Variants in RBM17 observed in about 807,000 individuals in gnomAD.
The protein encoded by RBM17 is splicing factor 45.
RBM17 carries 7 observed loss-of-function variants against 53.2 expected under a neutral mutation model. The ratio of observed to expected loss-of-function variants is 0.13; its 90% confidence interval spans 0.07 to 0.25. RBM17 has a LOEUF of 0.25. Among genes scored for constraint, RBM17 ranks in the 10% least tolerant of loss-of-function variants. The probability of loss-of-function intolerance (pLI) is 1.00; values close to 1 mark genes in which losing one functional copy is unlikely to be tolerated. For missense variants in RBM17, 257 were observed against 496.7 expected (o/e 0.52, Z 4.59); for synonymous variants, 167 against 178.1 (o/e 0.94, Z 0.50).
chr10:6,097,627 C>T (rs545582955), intron 2 of RBM17, among the ~76,000 whole-genome samples: 65 of 152,310 alleles, frequency 4.3e-4, no homozygotes, highest in African/African-American at 1.3e-3. Context: ...GCCGAGATCG[C>T]GCCACTGCGC....
intron 2 of RBM17, among the ~76,000 whole-genome samples, chr10:6,100,542 T>C (rs866439406): frequency 3.9e-5 from 6 of 152,134 alleles, no homozygotes; most frequent in Middle Eastern, 6.8e-3. Context: ...TACAAGATAG[T>C]GTCAGAGGAA....
chr10:6,117,014 A>G lies in RBM17; in HGVS notation c.*1458A>G, dbSNP rs903239841. 2 of 152,394 alleles carry G rather than the reference A, an allele frequency of 1.3e-5. No homozygotes were observed. Among genetic ancestry groups the G allele is most frequent in the Non-Finnish European group, 2.9e-5 (2 of 68,052 alleles). 9.4% of individuals were successfully genotyped at this position (152,394 alleles called of 1,614,324 possible). On this transcript the variant is annotated 3_prime_UTR_variant, in exon 12 of 12. Coordinates refer to ENST00000379888, the MANE Select transcript of RBM17 (RefSeq NM_032905.5). The stretch of plus-strand genomic sequence containing the variant: ...ATGGAATTAGGCATACCATTCCTCA[A>G]GTGGAAACCATGTTTGTGCTTACAA...
chr10:6,092,122 A>G (rs572720086), intron 1 of RBM17, among the ~76,000 whole-genome samples: 10 of 152,386 alleles, frequency 6.6e-5, no homozygotes, highest in African/African-American at 1.9e-4. Context: ...TGCCACAAAA[A>G]GGAAGGAAAT....
rs965941625 is a variant in RBM17, at chr10:6,103,373, A to G, written c.241-1558A>G. 5.9e-5 allele frequency among the ~76,000 whole-genome samples: 9 copies of G among 152,340 alleles called. No individual in the cohort carries two copies. In the East Asian group the frequency reaches 1.7e-3, roughly 29 times the overall value. ...AGGATGATTGATTTCATTGTTAAGC[A>G]TAGCAGGGTTTATATGTAAAAGTTT... is the stretch of plus-strand genomic sequence containing the variant. On this transcript the variant is annotated intron_variant, in intron 3 of 11. Coordinates refer to ENST00000379888, the MANE Select transcript of RBM17 (RefSeq NM_032905.5).
chr10:6,100,638 G>A (rs1360822564), intron 2 of RBM17, among the ~76,000 whole-genome samples: 1 of 148,524 alleles, frequency 6.7e-6, no homozygotes, highest in Non-Finnish European at 1.5e-5. Flanking sequence ...AAAACCAAAA[G>A]CATTTCAGGA....
intron 5 of RBM17, 32 bp from the exon 6 acceptor site, chr10:6,108,654 C>T: frequency 6.3e-7 from 1 of 1,593,782 alleles, no homozygotes; most frequent in Non-Finnish European, 8.6e-7. Flanking sequence ...CATCGGAAAC[C>T]TCCTTTAATG....
intron 1 of RBM17, among the ~76,000 whole-genome samples, chr10:6,091,593 G>C (rs572817348): frequency 1.3e-5 from 2 of 152,300 alleles, no homozygotes; most frequent in East Asian, 1.9e-4. Context: ...CAGATCTGCA[G>C]ATCTCACTGT....
intron 4 of RBM17, 71 bp downstream of exon 4, chr10:6,105,168 C>G (rs762544224): frequency 7.1e-7 from 1 of 1,414,800 alleles, no homozygotes; most frequent in Non-Finnish European, 9.8e-7. Flanking sequence ...GAATGAGCGT[C>G]GCTGCTGTCT....
intron 1 of RBM17, among the ~76,000 whole-genome samples, chr10:6,091,679 GA>G (rs1308753897): frequency 2.0e-5 from 3 of 152,158 alleles, no homozygotes; most frequent in Non-Finnish European, 4.4e-5. Flanking sequence ...AATATTAATA[GA>G]GCCACTTAAC....
chr10:6,095,239 G>A (rs1052815526), intron 1 of RBM17, among the ~76,000 whole-genome samples: 1 of 151,500 alleles, frequency 6.6e-6, no homozygotes, highest in East Asian at 1.9e-4. Flanking sequence ...TTTTGGCGGA[G>A]TCTTTATCTG....
At position 6,112,216 on chromosome 10, in the gene RBM17, G is replaced by A. The variant is rs1221947433; in HGVS notation, c.711G>A (p.Thr237=). ...SNSFLANMGG[T]VAHKIMQKYG... ...TCCCTTCTTCTCCTGCCAGGGGCAC[G>A]GTGGCGCACAAGATCATGCAGAAGT... is the stretch of plus-strand genomic sequence containing the variant. Residue 237 remains threonine, a synonymous_variant, in exon 8 of 12, where the codon ACG becomes ACA. Coordinates refer to ENST00000379888, the MANE Select transcript of RBM17 (RefSeq NM_032905.5). This position sits in a 1 kb window ranked among gnomAD's most constrained non-coding sequence, Gnocchi z 4.4. The A allele has an allele frequency of 8.7e-6, 14 of 1,611,982 alleles. No individual in the cohort carries two copies. The highest frequency in any genetic ancestry group is 1.3e-5 in the African/African-American group (1 of 75,012).
In RBM17 at chr10:6,112,847, G is replaced by A. The variant is rs891019135; in HGVS notation, c.856+486G>A. On this transcript the variant is annotated intron_variant, in intron 8 of 11. Transcript: ENST00000379888. The surrounding 1 kb of genome is among the most constrained non-coding windows in gnomAD (Gnocchi z 4.4). ...TTGCGAGATCTGATGTTATGTTGCA[G>A]TCTCTTGGTAAATGATGCCTAGTTG... The A allele has an allele frequency of 3.2e-5, 6 of 184,704 alleles. No individual in the cohort carries two copies. Among genetic ancestry groups the A allele is most frequent in the Admixed American group, 1.6e-4 (3 of 18,802 alleles). 11.4% of individuals were successfully genotyped at this position (184,704 alleles called of 1,614,324 possible). A position where few individuals can be genotyped will look rare whatever the true frequency, so the allele number is the denominator to read the frequency against.
chr10:6,101,257 T>C lies in RBM17; in HGVS notation c.124-14T>C. 2 of 1,540,494 alleles carry C rather than the reference T, an allele frequency of 1.3e-6. No individual in the cohort carries two copies. Among genetic ancestry groups the C allele is most frequent in the South Asian group, 2.4e-5 (2 of 84,162 alleles). On this transcript the variant is annotated splice_polypyrimidine_tract_variant and intron_variant, in intron 2 of 11. Coordinates refer to ENST00000379888, the MANE Select transcript of RBM17 (RefSeq NM_032905.5). ...GAAACTTCAGTATGTTTTCCTTGTT[T>C]TTGATGATTTTAGAGCCAAAGGACG...
chr10:6,098,054 T>TAACTC (rs56203647), intron 2 of RBM17, among the ~76,000 whole-genome samples: 149,503 of 152,222 alleles, frequency 0.98, 73,471 homozygotes, highest in Middle Eastern at 1. Context: ...GTCCTTGAAA[T>TAACTC]AACATGTAAA....
chr10:6,096,980 C>G lies in RBM17; in HGVS notation c.-18-68C>G, dbSNP rs75850430. ...CTTTTACCTCTAAAATTTCATGATA[C>G]TTATTTTAACATGAAAAGCCTTTAT... On this transcript the variant is annotated intron_variant, in intron 1 of 11. Transcript: ENST00000379888. The G allele has an allele frequency of 1.1e-3, 1,554 of 1,460,918 alleles. 2 individuals carry two copies. Among genetic ancestry groups the G allele is most frequent in the Non-Finnish European group, 1.3e-3 (1,381 of 1,074,244 alleles). The allele number at this position is 1,460,918 out of a possible 1,614,324, so 90.5% of individuals were successfully genotyped here.
intron 1 of RBM17, among the ~76,000 whole-genome samples, chr10:6,095,764 A>C (rs1344382980): frequency 1.3e-5 from 2 of 152,198 alleles, no homozygotes; most frequent in Non-Finnish European, 2.9e-5. Flanking sequence ...CTGAGGGAAC[A>C]GAAGTTGGTG....
chr10:6,115,546 A>C lies in RBM17; in HGVS notation c.1196A>C (p.Glu399Ala). 1 of 1,606,680 alleles carries C rather than the reference A, an allele frequency of 6.2e-7. No individual in the cohort carries two copies. Among genetic ancestry groups the C allele is most frequent in the Non-Finnish European group, 8.5e-7 (1 of 1,173,590 alleles). The change falls in exon 12 of 12, where the codon GAA (glutamate) becomes GCA (alanine). Residue 399 changes from glutamate (E) to alanine (A), a missense_variant. By Grantham distance (107) the Glu-to-Ala change is moderately radical. Coordinates refer to ENST00000379888, the MANE Select transcript of RBM17 (RefSeq NM_032905.5). ...AAATTCAGGGTCTTGGATTTGGCAG[A>C]ACAAGTTTGATTTTAAGAACTAGAG... The part of the protein sequence containing the change: ...LDKFRVLDLA[E>A]QV
At chr10:6,105,209 C>G (rs1840730577) in intron 4 of RBM17, 112 bp downstream of exon 4, 1 of 935,444 alleles carries the variant, frequency 1.1e-6, no homozygotes, top group Non-Finnish European at 1.6e-6. Flanking sequence ...CATGGGTGAT[C>G]TGAGCAGTCA....
intron 2 of RBM17, among the ~76,000 whole-genome samples, chr10:6,097,537 G>T (rs1840594274): frequency 6.6e-6 from 1 of 152,222 alleles, no homozygotes; most frequent in Admixed American, 6.5e-5. Flanking sequence ...CGGGCGCAGT[G>T]GTGGGCACCT....
Sources: gnomAD v4.1 joint callset for allele counts (sites outside exome capture counted in the v4.1 genomes callset) on GRCh38, gnomAD v4.1.1 for gene constraint, Gnocchi (gnomAD v3.1) non-coding constraint, MANE v1.5 for transcripts, NCBI Gene and HGNC (gene_info 2026-07-23, HGNC 2026-07-21) for gene names.